Variants in STAG1 observed in about 807,000 individuals in gnomAD.
The protein encoded by STAG1 is STAG1 cohesin complex component.
STAG1 carries 26 observed loss-of-function variants against 170.9 expected under a neutral mutation model. That is an observed-to-expected ratio of 0.15 (90% CI 0.11 to 0.21). STAG1 has a LOEUF of 0.21. Ranked by LOEUF, STAG1 falls within the 10% of genes least tolerant of loss-of-function variation. The probability of loss-of-function intolerance (pLI) is 1.00; values close to 1 mark genes in which losing one functional copy is unlikely to be tolerated. For missense variants in STAG1, 964 were observed against 1,509.5 expected (o/e 0.64, Z 5.99); for synonymous variants, 514 against 497.7 (o/e 1.03, Z -0.44).
chr3:136,471,523 T>A (rs1421006206), intron 12 of STAG1, among the ~76,000 whole-genome samples: 1 of 152,066 alleles, frequency 6.6e-6, no homozygotes, highest in Non-Finnish European at 1.5e-5. Flanking sequence ...AGAGCCAAAA[T>A]GTAAAAGGAT....
At chr3:136,559,856 A>G (rs1453547344) in intron 5 of STAG1, among the ~76,000 whole-genome samples, 1 of 152,210 alleles carries the variant, frequency 6.6e-6, no homozygotes, top group African/African-American at 2.4e-5. Context: ...GAAGCTATAC[A>G]ATGCCCAACA....
chr3:136,399,895 CAAAT>C (rs796600284), intron 21 of STAG1, among the ~76,000 whole-genome samples: 9 of 152,124 alleles, frequency 5.9e-5, no homozygotes, highest in African/African-American at 1.7e-4. Flanking sequence ...TATTACATAA[CAAAT>C]AATAAAACTT....
chr3:136,518,828 T>C (rs1444459435), intron 7 of STAG1, among the ~76,000 whole-genome samples: 5 of 152,054 alleles, frequency 3.3e-5, no homozygotes, highest in Non-Finnish European at 7.4e-5. Flanking sequence ...AGAACACAGG[T>C]GAAAACAAAA....
At chr3:136,730,941 C>G (rs889844888) in intron 1 of STAG1, among the ~76,000 whole-genome samples, 10 of 152,342 alleles carry the variant, frequency 6.6e-5, no homozygotes, top group Admixed American at 3.9e-4. Flanking sequence ...CCCAGAATTT[C>G]TGAGTTGGCA....
At chr3:136,533,526 T>G (rs1935479151) in intron 6 of STAG1, among the ~76,000 whole-genome samples, 1 of 152,134 alleles carries the variant, frequency 6.6e-6, no homozygotes, top group Non-Finnish European at 1.5e-5. Flanking sequence ...CAAGGATGCT[T>G]ATAATCACAG....
intron 1 of STAG1, among the ~76,000 whole-genome samples, chr3:136,692,711 A>C (rs1942767234): frequency 6.6e-6 from 1 of 152,114 alleles, no homozygotes; most frequent in African/African-American, 2.4e-5. Context: ...ACAAATCTCT[A>C]CCCTCAACCA....
rs764985251 is a variant in STAG1 at position 136,341,424 on chromosome 3, C to CTCCA, written c.3557+13_3557+16dup. 8.0e-6 allele frequency: 12 copies of CTCCA among 1,497,358 alleles called. No homozygotes were observed. The allele number at this position is 1,497,358 out of a possible 1,614,324, so 92.8% of individuals were successfully genotyped here. On this transcript the variant is annotated intron_variant, in intron 31 of 33. Coordinates refer to ENST00000383202, the MANE Select transcript of STAG1 (RefSeq NM_005862.3). ...ACATAGTTGTTATGTTCTTGTGATA[C>CTCCA]TCCATGTAACACTTACACAGCATGC...
At chr3:136,714,530 C>T (rs1387511874) in intron 1 of STAG1, among the ~76,000 whole-genome samples, 1 of 151,896 alleles carries the variant, frequency 6.6e-6, no homozygotes, top group Non-Finnish European at 1.5e-5. Context: ...AGATCAAGAC[C>T]ATCCTGCCTA....
intron 6 of STAG1, among the ~76,000 whole-genome samples, chr3:136,523,510 G>A (rs550390428): frequency 6.6e-6 from 1 of 151,666 alleles, no homozygotes; most frequent in Non-Finnish European, 1.5e-5. Context: ...CTCCCATTCT[G>A]TAGGTTGCAA....
chr3:136,374,576 C>T (rs1170415688), intron 23 of STAG1, among the ~76,000 whole-genome samples: 2 of 151,382 alleles, frequency 1.3e-5, no homozygotes, highest in Non-Finnish European at 2.9e-5. Context: ...GAGAATGTGC[C>T]ACTGCACTCC....
At chr3:136,635,649 C>A (rs769847427) in intron 1 of STAG1, among the ~76,000 whole-genome samples, 3 of 152,064 alleles carry the variant, frequency 2.0e-5, no homozygotes, top group African/African-American at 4.8e-5. Flanking sequence ...ACAAAAGGTA[C>A]ATAGCTTGGG....
At chr3:136,558,035 G>A (rs1936695068) in intron 5 of STAG1, among the ~76,000 whole-genome samples, 1 of 152,158 alleles carries the variant, frequency 6.6e-6, no homozygotes, top group South Asian at 2.1e-4. Flanking sequence ...AGAAAAAGCA[G>A]GCTGCAAGAT....
intron 2 of STAG1, among the ~76,000 whole-genome samples, chr3:136,627,403 GTC>G (rs889590947): frequency 6.6e-6 from 1 of 151,910 alleles, no homozygotes; most frequent in East Asian, 1.9e-4. Context: ...GCATCTCTCT[GTC>G]TCTCTCTCTC....
chr3:136,368,348 T>C (rs1460406491), intron 24 of STAG1, among the ~76,000 whole-genome samples: 1 of 152,194 alleles, frequency 6.6e-6, no homozygotes, highest in African/African-American at 2.4e-5. Flanking sequence ...AGTCTAATAT[T>C]GCTAAGTTAT....
At chr3:136,539,920 T>C (rs1278153785) in intron 6 of STAG1, among the ~76,000 whole-genome samples, 4 of 152,172 alleles carry the variant, frequency 2.6e-5, no homozygotes, top group African/African-American at 9.7e-5. Flanking sequence ...ACCTTTACCT[T>C]ACTTTGCTGT....
At chr3:136,745,888 T>C (rs1267953756) in intron 1 of STAG1, among the ~76,000 whole-genome samples, 1 of 152,230 alleles carries the variant, frequency 6.6e-6, no homozygotes, top group Non-Finnish European at 1.5e-5. Flanking sequence ...AAATTTGTGT[T>C]GAGCCACATT....
rs756482334 is a variant in STAG1 at position 136,737,087 on chromosome 3, G to A, written c.-84+15108C>T. On this transcript the variant is annotated intron_variant, in intron 1 of 33. Transcript: ENST00000383202. ...CAAATGGGGTGAAACTGAAGTAAGA[G>A]GAACCAGGACAGGTCAGTCTTTCAA... 352 of 1,002,580 alleles carry A rather than the reference G, an allele frequency of 3.5e-4. 1 individual carries two copies. The highest frequency in any genetic ancestry group is 1.5e-3 in the Admixed American group (88 of 58,938). The allele number at this position is 1,002,580 out of a possible 1,614,324, so 62.1% of individuals were successfully genotyped here.
intron 2 of STAG1, among the ~76,000 whole-genome samples, chr3:136,625,732 TC>T (rs1940064702): frequency 6.6e-6 from 1 of 152,250 alleles, no homozygotes; most frequent in Admixed American, 6.5e-5. Flanking sequence ...CAATCACCAC[TC>T]CCCATGATAA....
chr3:136,495,190 G>C (rs1156481745), intron 9 of STAG1, among the ~76,000 whole-genome samples: 1 of 152,076 alleles, frequency 6.6e-6, no homozygotes, highest in Non-Finnish European at 1.5e-5. Flanking sequence ...AATTCAATTG[G>C]GGAAAGATAC....
Sources: gnomAD v4.1 joint callset for allele counts (sites outside exome capture counted in the v4.1 genomes callset) on GRCh38, gnomAD v4.1.1 for gene constraint, MANE v1.5 for transcripts, NCBI Gene and HGNC (gene_info 2026-07-23, HGNC 2026-07-21) for gene names.